PIK3CD: variants seen among roughly 807,000 people sequenced by gnomAD.
PIK3CD encodes phosphatidylinositol 4,5-bisphosphate 3-kinase catalytic subunit delta isoform.
Under a neutral mutation model 122.9 loss-of-function variants are expected in PIK3CD, and 20 were observed. The ratio of observed to expected loss-of-function variants is 0.16; its 90% CI spans 0.11 to 0.24. The LOEUF (loss-of-function observed/expected upper bound fraction) is 0.24, where lower values mean the gene tolerates loss of function less well. PIK3CD is among the 10% of genes least tolerant of loss of function. PIK3CD has a pLI of 1.00. For missense variants in PIK3CD, 787 were observed against 1,406.3 expected (o/e 0.56, Z 7.04); for synonymous variants, 596 against 593.4 (o/e 1.00, Z -0.06).
chr1:9,677,190 TG>T (rs1391280522), intron 1 of PIK3CD, among the ~76,000 whole-genome samples: 2 of 152,086 alleles, frequency 1.3e-5, no homozygotes, highest in Non-Finnish European at 2.9e-5. Flanking sequence ...CCCAGGAGAA[TG>T]GGGCGAACTA....
chr1:9,632,007 CT>C, the PIK3CD span, among the ~76,000 whole-genome samples: 1 of 116,962 alleles, frequency 8.5e-6, no homozygotes, highest in Non-Finnish European at 1.8e-5. Flanking sequence ...TTCTATCTTT[CT>C]TTTTTTTATT....
At position 9,715,464 on chromosome 1, in the gene PIK3CD, C is replaced by G; in HGVS notation, c.142-77C>G. On this transcript the variant is annotated intron_variant, in intron 3 of 23. Transcript: ENST00000377346. The surrounding 1 kb of genome is among the most constrained non-coding windows in gnomAD (Gnocchi z 4.1). ...TTTGGACCCCCAGGCTGGAGGCCAG[C>G]TCTCCACCCTCCCTCAGCCTCCCAC... 7.6e-7 allele frequency: 1 copy of G among 1,310,792 alleles called. No individual in the cohort carries two copies. Among genetic ancestry groups the G allele is most frequent in the Non-Finnish European group, 1.1e-6 (1 of 919,620 alleles). 81.2% of individuals were successfully genotyped at this position (1,310,792 alleles called of 1,614,324 possible). A position where few individuals can be genotyped will look rare whatever the true frequency, so the allele number is the denominator to read the frequency against.
chr1:9,682,231 G>A (rs537213962), intron 1 of PIK3CD, among the ~76,000 whole-genome samples: 2 of 152,136 alleles, frequency 1.3e-5, no homozygotes, highest in Admixed American at 6.6e-5. Context: ...CCAAGGCTGC[G>A]TTTTTATTTT....
Position 9,727,433 on chromosome 1 carries a change from T to C in PIK3CD, c.*387T>C, listed in dbSNP as rs545871808. ...CGCCTGGCGGTCACCTGGTGCCTAC[T>C]GTCCGACAGGATGCCTTGATCCTCG... is the stretch of plus-strand genomic sequence containing the variant. On this transcript the variant is annotated 3_prime_UTR_variant, in exon 24 of 24. Coordinates refer to ENST00000377346, the MANE Select transcript of PIK3CD (RefSeq NM_005026.5). 6 of 408,078 alleles carry C rather than the reference T, an allele frequency of 1.5e-5. No homozygotes were observed. The highest frequency in any genetic ancestry group is 2.8e-5 in the Non-Finnish European group (6 of 215,540). The allele number at this position is 408,078 out of a possible 1,614,324, so 25.3% of individuals were successfully genotyped here.
rs774421473 is a variant in PIK3CD at position 9,721,156 on chromosome 1, G to A, written c.1719G>A (p.Glu573=). The A allele has an allele frequency of 3.3e-5, 54 of 1,612,716 alleles. No homozygotes were observed. Among genetic ancestry groups the A allele is most frequent in the Non-Finnish European group, 4.3e-5 (51 of 1,179,976 alleles). Residue 573 remains glutamate (E), a synonymous_variant, in exon 14 of 24, where the codon GAG becomes GAA. Transcript: ENST00000377346. Reference sequence around the variant, plus strand: ...TCTACCTGCTGTGCTCCTGGCCGGAGCTGCCCGTCCTGAGCGCCCTGGAGC... The same window carrying A: ...TCTACCTGCTGTGCTCCTGGCCGGAACTGCCCGTCCTGAGCGCCCTGGAGC... The part of the protein sequence containing the change: ...QMLYLLCSWP[E]LPVLSALELL...
Position 9,720,360 on chromosome 1 carries a change from A to G in PIK3CD, c.1470+118A>G, listed in dbSNP as rs1648334947. The G allele has an allele frequency of 7.1e-7, 1 of 1,409,884 alleles. No homozygotes were observed. The highest frequency in any genetic ancestry group is 1.4e-5 in the South Asian group (1 of 71,208). 87.3% of individuals were successfully genotyped at this position (1,409,884 alleles called of 1,614,324 possible). On this transcript the variant is annotated intron_variant, in intron 11 of 23. Coordinates refer to ENST00000377346, the MANE Select transcript of PIK3CD (RefSeq NM_005026.5). This position sits in a 1 kb window ranked among gnomAD's most constrained non-coding sequence, Gnocchi z 9.0. The stretch of plus-strand genomic sequence containing the variant: ...ACGTCGGGGCTGGGCTACCAGGCAT[A>G]TCTGGGGCCTTCCCAGGGGCCATTT...
chr1:9,689,033 G>C lies in PIK3CD; in HGVS notation c.-137-2434G>C, dbSNP rs1646083483. On this transcript the variant is annotated intron_variant, in intron 1 of 23. Transcript: ENST00000377346. The surrounding 1 kb of genome is among the most constrained non-coding windows in gnomAD (Gnocchi z 6.1). ...CAGCTAGGGAACAGCCAGCAGGCTG[G>C]ATTTGAGCCCAGAGCCCGGGCTGGC... 1.3e-5 allele frequency among the ~76,000 whole-genome samples: 2 copies of C among 152,350 alleles called. No homozygotes were observed. Among genetic ancestry groups the C allele is most frequent in the African/African-American group, 4.8e-5 (2 of 41,584 alleles).
chr1:9,701,357 G>A lies in PIK3CD; in HGVS notation c.-32-9067G>A, dbSNP rs183521343. On this transcript the variant is annotated intron_variant, in intron 2 of 23. Transcript: ENST00000377346. ...CTGGTGGGATAAATGAATCTACCTC[G>A]GACTGAATGATGGAGACAAAACATA... 1.7e-3 allele frequency among the ~76,000 whole-genome samples: 255 copies of A among 152,164 alleles called. 1 individual carries two copies. Among genetic ancestry groups the A allele is most frequent in the African/African-American group, 5.5e-3 (228 of 41,542 alleles).
chr1:9,692,802 A>G (rs1646253499), intron 2 of PIK3CD, among the ~76,000 whole-genome samples: 1 of 152,130 alleles, frequency 6.6e-6, no homozygotes, highest in Non-Finnish European at 1.5e-5. Context: ...CAAAACAGCC[A>G]CTGTAAGAGA....
At chr1:9,706,008 C>T (rs2100704972) in intron 2 of PIK3CD, among the ~76,000 whole-genome samples, 2 of 145,858 alleles carry the variant, frequency 1.4e-5, no homozygotes. Context: ...AATTTTAAAA[C>T]ATTTAATTTA....
At chr1:9,702,365 G>A (rs1486026905) in intron 2 of PIK3CD, among the ~76,000 whole-genome samples, 1 of 152,040 alleles carries the variant, frequency 6.6e-6, no homozygotes, top group Non-Finnish European at 1.5e-5. Flanking sequence ...TGCCTAGGCT[G>A]AAGAGAGACG....
chr1:9,705,600 C>T (rs892261927), intron 2 of PIK3CD, among the ~76,000 whole-genome samples: 4 of 152,142 alleles, frequency 2.6e-5, no homozygotes, highest in African/African-American at 4.8e-5. Flanking sequence ...ATTTCCCGCT[C>T]ATTCAACCAA....
At chr1:9,658,281 A>G (rs935707314) in intron 1 of PIK3CD, among the ~76,000 whole-genome samples, 2 of 151,392 alleles carry the variant, frequency 1.3e-5, no homozygotes, top group Admixed American at 1.3e-4. Context: ...AGCTATGTGG[A>G]AGACTGAGGT....
At position 9,715,687 on chromosome 1, in the gene PIK3CD, G is replaced by A. The variant is rs748393554; in HGVS notation, c.288G>A (p.Leu96=). Residue 96 remains leucine (L), a synonymous_variant, in exon 4 of 24, where the codon CTG becomes CTA. Transcript: ENST00000377346. This position sits in a 1 kb window ranked among gnomAD's most constrained non-coding sequence, Gnocchi z 4.1. ...GTCTGTGTGACGTGCAGCCCTTCCT[G>A]CCCGTCCTGCGCCTGGTGGCCCGTG... ...QRRLCDVQPF[L]PVLRLVAREG... 2 of 1,613,670 alleles carry A rather than the reference G, an allele frequency of 1.2e-6. No individual in the cohort carries two copies. Among genetic ancestry groups the A allele is most frequent in the Non-Finnish European group, 8.5e-7 (1 of 1,180,020 alleles).
intron 2 of PIK3CD, among the ~76,000 whole-genome samples, chr1:9,708,572 G>A (rs956413044): frequency 1.3e-5 from 2 of 152,120 alleles, no homozygotes; most frequent in African/African-American, 4.8e-5. Flanking sequence ...TGGACGTCGG[G>A]CCCAGTGGCT....
intron 23 of PIK3CD, 78 bp from the exon 24 acceptor site, chr1:9,726,831 G>C (rs943470316): frequency 5.7e-6 from 9 of 1,571,592 alleles, no homozygotes; most frequent in Non-Finnish European, 7.0e-6. Flanking sequence ...CAGTGACTCT[G>C]AAGTCCCCAG....
Position 9,719,201 on chromosome 1 carries a change from C to T in PIK3CD, c.1242+286C>T, listed in dbSNP as rs1648067481. 1.3e-5 allele frequency among the ~76,000 whole-genome samples: 2 copies of T among 152,244 alleles called. No individual in the cohort carries two copies. The highest frequency in any genetic ancestry group is 1.3e-4 in the Admixed American group (2 of 15,286). On this transcript the variant is annotated intron_variant, in intron 9 of 23. Transcript: ENST00000377346. The surrounding 1 kb of genome is among the most constrained non-coding windows in gnomAD (Gnocchi z 5.5). ...GTGCCCTGGGATGGAAGGACAAGCA[C>T]AGTGTCATCCCTGGAGCAGAAAAGC...
intron 2 of PIK3CD, among the ~76,000 whole-genome samples, chr1:9,693,316 C>A (rs1646278004): frequency 6.6e-6 from 1 of 152,152 alleles, no homozygotes; most frequent in South Asian, 2.1e-4. Flanking sequence ...CCTCCGCCTC[C>A]CGGGTTCAAG....
Position 9,724,876 on chromosome 1 carries a change from C to T in PIK3CD, c.2937C>T (p.Ala979=). The T allele has an allele frequency of 6.2e-7, 1 of 1,614,036 alleles. No homozygotes were observed. The highest frequency in any genetic ancestry group is 8.5e-7 in the Non-Finnish European group (1 of 1,180,046). ...RHGLLFLHLF[A]LMRAAGLPEL... is the part of the protein sequence containing the mutation. ...GGCTTCTCTTCCTCCACCTCTTTGCCCTGATGCGGGCGGCAGGCCTGCCTG... is the reference window on the plus strand; with the variant it reads ...GGCTTCTCTTCCTCCACCTCTTTGCTCTGATGCGGGCGGCAGGCCTGCCTG... The change falls in exon 23 of 24, where the codon GCC becomes GCT. Residue 979 remains alanine (A), a synonymous_variant. Transcript: ENST00000377346. This position sits in a 1 kb window ranked among gnomAD's most constrained non-coding sequence, Gnocchi z 7.3.
Sources: allele counts gnomAD v4.1 joint callset (sites outside exome capture counted in the v4.1 genomes callset), GRCh38; gene constraint gnomAD v4.1.1; non-coding constraint Gnocchi (gnomAD v3.1); transcripts MANE v1.5; gene names NCBI Gene and HGNC (gene_info 2026-07-23, HGNC 2026-07-21).